The following CFAP20DC variants were observed in gnomAD, a reference collection of about 807,000 sequenced individuals.
CFAP20DC encodes the protein protein CFAP20DC.
In CFAP20DC, 84 loss-of-function variants were observed where a neutral mutation model predicts 101.7. The observed-to-expected ratio is 0.83, with a 90% CI of 0.69 to 0.99. CFAP20DC has a LOEUF of 0.99. CFAP20DC is among the 50% of genes least tolerant of loss of function. CFAP20DC has a pLI of 0.00. For missense variants in CFAP20DC, 1,007 were observed against 970.3 expected, an observed-to-expected ratio of 1.04 and a Z score of -0.50; for synonymous variants, 359 against 351.2, an observed-to-expected ratio of 1.02 and a Z score of -0.25.
At chr3:58,770,271 T>A (rs1013277022) in intron 15 of CFAP20DC, among the ~76,000 whole-genome samples, 1 of 152,228 alleles carries the variant, frequency 6.6e-6, no homozygotes, top group Non-Finnish European at 1.5e-5. Flanking sequence ...TTTCCTTCTA[T>A]AGACTGTTAT....
At chr3:58,990,434 G>T (rs1458998766) in intron 4 of CFAP20DC, among the ~76,000 whole-genome samples, 2 of 152,156 alleles carry the variant, frequency 1.3e-5, no homozygotes, top group African/African-American at 4.8e-5. Context: ...CTGCTGAGGA[G>T]TTCTTTGAAA....
At chr3:58,872,421 C>T (rs1325467475) in intron 7 of CFAP20DC, among the ~76,000 whole-genome samples, 2 of 151,802 alleles carry the variant, frequency 1.3e-5, no homozygotes, top group Admixed American at 6.6e-5. Flanking sequence ...ATATACCATA[C>T]TCAGCAAGAT....
chr3:59,044,267 G>T (rs1258136455), intron 3 of CFAP20DC, among the ~76,000 whole-genome samples: 1 of 152,136 alleles, frequency 6.6e-6, no homozygotes, highest in Middle Eastern at 3.4e-3. Flanking sequence ...TCTATTCAAG[G>T]CATGTCATTC....
chr3:58,995,035 T>C (rs897420911), intron 4 of CFAP20DC, among the ~76,000 whole-genome samples: 14 of 152,186 alleles, frequency 9.2e-5, no homozygotes, highest in Admixed American at 5.2e-4. Context: ...CATTTTCAAA[T>C]GGTTCTTTTC....
intron 5 of CFAP20DC, among the ~76,000 whole-genome samples, chr3:58,918,530 AC>A (rs1042053736): frequency 1.3e-5 from 2 of 151,950 alleles, no homozygotes; most frequent in African/African-American, 4.8e-5. Flanking sequence ...TTCTGAATCC[AC>A]TCATAGGGCT....
At position 58,884,488 on chromosome 3, in the gene CFAP20DC, C is replaced by G. The variant is rs368087609; in HGVS notation, c.715+57G>C. The G allele has an allele frequency of 6.5e-6, 10 of 1,536,656 alleles. No individual in the cohort carries two copies. The African/African-American group carries it at 1.2e-4, about 19-fold the overall frequency. ...AGTGCCCTTTTTGGAGGAAGTCACA[C>G]TTTATGGGAGAGATGCAGACATATT... On this transcript the variant is annotated intron_variant, in intron 7 of 16. Coordinates refer to ENST00000482387, the MANE Select transcript of CFAP20DC (RefSeq NM_001394063.1).
rs73837969 is a variant in CFAP20DC, at chr3:58,826,116, C to T, written c.2175+5570G>A. Reference sequence around the variant, plus strand: ...TGCTAAACTGAATGGGACCGGACTACATCTTTTTCTTCCTATTTGCAATCA... The same window carrying T: ...TGCTAAACTGAATGGGACCGGACTATATCTTTTTCTTCCTATTTGCAATCA... On this transcript the variant is annotated intron_variant, in intron 14 of 16. Transcript: ENST00000482387. Among the ~76,000 whole-genome samples, 682 of 152,256 alleles carry T rather than the reference C, an allele frequency of 4.5e-3. 5 individuals carry two copies. The highest frequency in any genetic ancestry group is 0.016 in the African/African-American group (645 of 41,562).
At chr3:58,960,424 G>A (rs946488987) in intron 4 of CFAP20DC, among the ~76,000 whole-genome samples, 8 of 150,746 alleles carry the variant, frequency 5.3e-5, no homozygotes, top group Admixed American at 3.3e-4. Flanking sequence ...TTCAGGAGAC[G>A]GAGGTTGCAG....
rs1330948287 is a variant in CFAP20DC at position 58,912,775 on chromosome 3, C to T, written c.550+933G>A. ...GTATATTTATAAATCAAATTATGAA[C>T]AATTAATGTAAATATTTCTAGTCTC... is the stretch of plus-strand genomic sequence containing the variant. On this transcript the variant is annotated intron_variant, in intron 6 of 16. Coordinates refer to ENST00000482387, the MANE Select transcript of CFAP20DC (RefSeq NM_001394063.1). This position sits in a 1 kb window ranked among gnomAD's most constrained non-coding sequence, Gnocchi z 4.4. 4.4e-6 allele frequency: 2 copies of T among 452,944 alleles called. No individual in the cohort carries two copies. The highest frequency in any genetic ancestry group is 3.3e-4 in the Middle Eastern group (1 of 3,038). 28.1% of individuals were successfully genotyped at this position (452,944 alleles called of 1,614,324 possible). A position where few individuals can be genotyped will look rare whatever the true frequency, so the allele number is the denominator to read the frequency against.
At chr3:58,965,601 A>G (rs2091467348) in intron 4 of CFAP20DC, among the ~76,000 whole-genome samples, 1 of 152,134 alleles carries the variant, frequency 6.6e-6, no homozygotes, top group Non-Finnish European at 1.5e-5. Context: ...TGAGGACAAT[A>G]ATAATAATAT....
In CFAP20DC at chr3:58,742,490, G is replaced by C; in HGVS notation, c.2415C>G (p.Pro805=). 2 of 1,606,794 alleles carry C rather than the reference G, an allele frequency of 1.2e-6. No individual in the cohort carries two copies. Among genetic ancestry groups the C allele is most frequent in the East Asian group, 2.3e-5 (1 of 44,420 alleles). ...YDPCLNCYFD[P]QTGKYYELV Reference sequence around the variant, plus strand: ...CCAACTCATAGTATTTCCCTGTTTGGGGGTCAAAGTAACAGTTCAGACAAG... The same window carrying C: ...CCAACTCATAGTATTTCCCTGTTTGCGGGTCAAAGTAACAGTTCAGACAAG... The change falls in exon 17 of 17, where the codon CCC becomes CCG. Residue 805 remains proline (P), a synonymous_variant. Transcript: ENST00000482387.
At chr3:58,750,344 T>C (rs561744133) in intron 16 of CFAP20DC, among the ~76,000 whole-genome samples, 172 of 152,310 alleles carry the variant, frequency 1.1e-3, no homozygotes, top group African/African-American at 3.8e-3. Context: ...AGAGGTATGA[T>C]GGCTCAGCAC....
downstream of CFAP20DC, among the ~76,000 whole-genome samples, chr3:58,738,339 C>A (rs2067804600): frequency 6.6e-6 from 1 of 152,084 alleles, no homozygotes; most frequent in South Asian, 2.1e-4. This position sits in a 1 kb window ranked among gnomAD's most constrained non-coding sequence, Gnocchi z 4.4. Flanking sequence ...GCTCTCCCTC[C>A]CCTCACCCCA....
chr3:58,937,188 T>C (rs1403460706), intron 5 of CFAP20DC, among the ~76,000 whole-genome samples: 1 of 152,214 alleles, frequency 6.6e-6, no homozygotes, highest in Non-Finnish European at 1.5e-5. Context: ...TTTTTCAATC[T>C]GGCAACAAGA....
intron 3 of CFAP20DC, among the ~76,000 whole-genome samples, chr3:58,718,811 G>A (rs1416669770): frequency 6.6e-6 from 1 of 152,204 alleles, no homozygotes; most frequent in Non-Finnish European, 1.5e-5. Context: ...GGAAAATCTT[G>A]TTAGTTATAT....
intron 5 of CFAP20DC, among the ~76,000 whole-genome samples, chr3:58,930,880 A>G (rs931117248): frequency 2.6e-5 from 4 of 152,162 alleles, no homozygotes; most frequent in Non-Finnish European, 4.4e-5. Flanking sequence ...CACCTGAGGT[A>G]CCGGGTTCAT....
At chr3:58,806,122 A>C (rs1415066967) in intron 15 of CFAP20DC, among the ~76,000 whole-genome samples, 5 of 152,238 alleles carry the variant, frequency 3.3e-5, no homozygotes, top group Non-Finnish European at 7.3e-5. Flanking sequence ...ATCTTTCCAA[A>C]ATACTATGAA....
At chr3:58,830,778 T>G (rs2076344982) in intron 14 of CFAP20DC, among the ~76,000 whole-genome samples, 3 of 152,210 alleles carry the variant, frequency 2.0e-5, no homozygotes, top group African/African-American at 7.2e-5. Context: ...TGTAGCCTTA[T>G]AAGTAAATGT....
At chr3:58,817,051 G>T (rs2075238018) in intron 14 of CFAP20DC, among the ~76,000 whole-genome samples, 1 of 152,048 alleles carries the variant, frequency 6.6e-6, no homozygotes, top group African/African-American at 2.4e-5. Flanking sequence ...ACACGGCAGG[G>T]TATTCCAACA....
Sources: allele counts gnomAD v4.1 joint callset (sites outside exome capture counted in the v4.1 genomes callset), GRCh38; gene constraint gnomAD v4.1.1; non-coding constraint Gnocchi (gnomAD v3.1); transcripts MANE v1.5; gene names NCBI Gene and HGNC (gene_info 2026-07-23, HGNC 2026-07-21).